The following DLGAP2 variants were observed in gnomAD, a reference collection of about 807,000 sequenced individuals.
DLGAP2 encodes the protein DLG associated protein 2.
DLGAP2 carries 26 observed loss-of-function variants against 100.3 expected under a neutral mutation model. That is an observed-to-expected ratio of 0.26 (90% CI 0.19 to 0.36). The LOEUF (loss-of-function observed/expected upper bound fraction) is 0.36. Ranked by LOEUF, DLGAP2 falls within the 10% of genes least tolerant of loss-of-function variation. DLGAP2 has a pLI of 1.00. For missense variants in DLGAP2, 1,858 were observed against 1,453.2 expected (o/e 1.28, Z -4.53); for synonymous variants, 886 against 630.1 (o/e 1.41, Z -6.08).
chr8:1,258,785 G>A (rs1301151654), intron 2 of DLGAP2, 66 bp from the exon 3 acceptor site: 1 of 1,211,872 alleles, frequency 8.3e-7, no homozygotes, highest in Non-Finnish European at 1.0e-6. Context: ...TGCTGATGTT[G>A]AATCTTTTTA....
At chr8:792,803 C>A (rs1420932518) in intron 1 of DLGAP2, among the ~76,000 whole-genome samples, 1 of 152,150 alleles carries the variant, frequency 6.6e-6, no homozygotes. Context: ...ACCATCTTTT[C>A]ATTGTGTAGT....
intron 6 of DLGAP2, among the ~76,000 whole-genome samples, chr8:1,599,041 T>A (rs1796543553): frequency 6.6e-6 from 1 of 152,224 alleles, no homozygotes; most frequent in Non-Finnish European, 1.5e-5. Flanking sequence ...GCTTTAGCTG[T>A]GTCCCAGAGA....
intron 8 of DLGAP2, among the ~76,000 whole-genome samples, chr8:1,650,026 C>T (rs1308802279): frequency 6.6e-6 from 1 of 152,204 alleles, no homozygotes; most frequent in East Asian, 1.9e-4. Context: ...AGAAAAAGCC[C>T]CACACCTTAA....
intron 3 of DLGAP2, among the ~76,000 whole-genome samples, chr8:1,417,085 GTGGGGGGA>G (rs1285085077): frequency 5.2e-5 from 4 of 76,364 alleles, no homozygotes; most frequent in East Asian, 4.8e-4. Flanking sequence ...AAGGGCGGGG[GTGGGGGGA>G]TGGGGGGGTG....
chr8:1,121,020 C>G (rs983744609), intron 2 of DLGAP2, among the ~76,000 whole-genome samples: 3 of 151,232 alleles, frequency 2.0e-5, no homozygotes, highest in Non-Finnish European at 4.4e-5. Context: ...CCTTTAGAAC[C>G]CCTGGCCACG....
intron 4 of DLGAP2, among the ~76,000 whole-genome samples, chr8:1,537,987 G>C (rs1370129925): frequency 6.6e-6 from 1 of 152,124 alleles, no homozygotes; most frequent in Non-Finnish European, 1.5e-5. Context: ...ATACTGCGGG[G>C]GGAACAGAGA....
intron 3 of DLGAP2, among the ~76,000 whole-genome samples, chr8:1,381,809 G>GTC (rs1796102196): frequency 6.6e-6 from 1 of 150,450 alleles, no homozygotes; most frequent in Non-Finnish European, 1.5e-5. Context: ...GTGTGTGTGT[G>GTC]TGTGTGTGTG....
chr8:1,439,807 C>G (rs897199394), intron 3 of DLGAP2, among the ~76,000 whole-genome samples: 2 of 152,152 alleles, frequency 1.3e-5, no homozygotes, highest in Non-Finnish European at 2.9e-5. Context: ...CACACAGGGC[C>G]TGGCATTTGA....
chr8:1,668,785 T>A (rs1055438585), intron 9 of DLGAP2, 107 bp downstream of exon 9: 4 of 1,042,052 alleles, frequency 3.8e-6, no homozygotes, highest in Non-Finnish European at 5.4e-6. Context: ...GCACTGACTG[T>A]AACCCCAGCA....
chr8:1,417,634 G>GTGGGGCAC lies in DLGAP2; in HGVS notation c.107-83732_107-83731insTGGGGCAC, dbSNP rs1301971987. Among the ~76,000 whole-genome samples, 71 of 146,934 alleles carry GTGGGGCAC rather than the reference G, an allele frequency of 4.8e-4. 1 individual carries two copies. Among genetic ancestry groups the GTGGGGCAC allele is most frequent in the African/African-American group, 1.6e-3 (65 of 39,814 alleles). On this transcript the variant is annotated intron_variant, in intron 3 of 14. Transcript: ENST00000637795. Reference sequence around the variant, plus strand: ...GGACTTCACTGCGTGGCCGCCTCCAGGGGGGCACGGGGAGCCCCACTCCTG... The same window carrying GTGGGGCAC: ...GGACTTCACTGCGTGGCCGCCTCCAGTGGGGCACGGGGGCACGGGGAGCCCCACTCCTG...
chr8:1,633,134 C>T (rs1003886642), intron 8 of DLGAP2, 88 bp downstream of exon 8: 2 of 1,260,410 alleles, frequency 1.6e-6, no homozygotes, highest in Non-Finnish European at 1.1e-6. Flanking sequence ...CACACAGCAC[C>T]ACAGTACAAT....
intron 3 of DLGAP2, among the ~76,000 whole-genome samples, chr8:1,433,059 G>C (rs1279507826): frequency 6.6e-6 from 1 of 152,158 alleles, no homozygotes; most frequent in Admixed American, 6.5e-5. Context: ...TTTAGTCCCA[G>C]GGCACTTAAC....
chr8:1,694,206 G>A lies in DLGAP2; in HGVS notation c.2796+2580G>A, dbSNP rs1006009566. On this transcript the variant is annotated intron_variant, in intron 13 of 14. Transcript: ENST00000637795. ...GATTAGTAGAAAAACACTTTGACAC[G>A]TTTGGGGCGGAAGAGTGGTACAGGG... Among the ~76,000 whole-genome samples the A allele has an allele frequency of 2.6e-5, 4 of 152,320 alleles. No individual in the cohort carries two copies. The South Asian group carries it at 6.2e-4, about 24-fold the overall frequency.
chr8:1,186,398 C>T (rs117678158), intron 2 of DLGAP2, among the ~76,000 whole-genome samples: 6 of 152,306 alleles, frequency 3.9e-5, no homozygotes, highest in South Asian at 2.1e-4. Flanking sequence ...GGCAGAGAAA[C>T]GGGTGGGGGA....
chr8:1,007,514 C>G (rs1258227387), intron 2 of DLGAP2, among the ~76,000 whole-genome samples: 2 of 152,086 alleles, frequency 1.3e-5, no homozygotes, highest in Non-Finnish European at 2.9e-5. Context: ...TAACTAAATC[C>G]TAGGGAGGCA....
At chr8:1,344,935 G>C (rs576151095) in intron 3 of DLGAP2, among the ~76,000 whole-genome samples, 2 of 152,308 alleles carry the variant, frequency 1.3e-5, no homozygotes, top group Admixed American at 6.5e-5. Flanking sequence ...TCTTGGTGAA[G>C]AGGACTCAAC....
intron 3 of DLGAP2, among the ~76,000 whole-genome samples, chr8:1,317,559 C>G (rs1317631977): frequency 2.1e-5 from 3 of 139,682 alleles, no homozygotes; most frequent in East Asian, 4.2e-4. Flanking sequence ...CAACAGTGGT[C>G]TACACTCGAG....
At chr8:765,286 A>C (rs1013262517) in intron 1 of DLGAP2, among the ~76,000 whole-genome samples, 2 of 152,248 alleles carry the variant, frequency 1.3e-5, no homozygotes, top group Non-Finnish European at 2.9e-5. Flanking sequence ...AAATGATCTG[A>C]TAATGTATCA....
Position 789,721 on chromosome 8 carries a change from C to T in DLGAP2, c.18+51896C>T, listed in dbSNP as rs999701098. On this transcript the variant is annotated intron_variant, in intron 1 of 14. Coordinates refer to ENST00000637795, the MANE Select transcript of DLGAP2 (RefSeq NM_001346810.2). Reference sequence around the variant, plus strand: ...CTCCAATGCATTCCAGTCCTTTGGACGGCGTCTGCTGTACCCAAAGTTAAA... The same window carrying T: ...CTCCAATGCATTCCAGTCCTTTGGATGGCGTCTGCTGTACCCAAAGTTAAA... 3.3e-5 allele frequency among the ~76,000 whole-genome samples: 5 copies of T among 152,334 alleles called. No homozygotes were observed. The South Asian group carries it at 6.2e-4, about 19-fold the overall frequency.
Sources: allele counts gnomAD v4.1 joint callset (sites outside exome capture counted in the v4.1 genomes callset), GRCh38; gene constraint gnomAD v4.1.1; transcripts MANE v1.5; gene names NCBI Gene and HGNC (gene_info 2026-07-23, HGNC 2026-07-21).